The following CTNNA3 variants were observed in gnomAD, a reference collection of about 807,000 sequenced individuals.
The protein encoded by CTNNA3 is catenin alpha 3.
A neutral mutation model predicts 95.7 loss-of-function variants in CTNNA3; 76 were observed. The observed-to-expected ratio is 0.79, with a 90% CI of 0.66 to 0.96. The LOEUF is 0.96. CTNNA3 is among the 40% of genes least tolerant of loss of function. The pLI is 0.00. For synonymous variants in CTNNA3, 431 were observed against 374.4 expected (o/e 1.15, Z -1.74); for missense variants, 1,191 against 1,089.8 (o/e 1.09, Z -1.31).
chr10:67,744,390 T>C (rs1292626042), intron 1 of CTNNA3, among the ~76,000 whole-genome samples: 3 of 150,778 alleles, frequency 2.0e-5, no homozygotes, highest in Non-Finnish European at 3.0e-5. Flanking sequence ...CTGAGAAAAA[T>C]GAGAAATGGG....
intron 1 of CTNNA3, among the ~76,000 whole-genome samples, chr10:67,753,135 T>G (rs978214008): frequency 2.0e-5 from 3 of 151,896 alleles, no homozygotes; most frequent in African/African-American, 7.3e-5. Context: ...CATAGACCAA[T>G]GGAACAGAAT....
At chr10:66,636,250 A>G (rs970433867) in intron 9 of CTNNA3, among the ~76,000 whole-genome samples, 8 of 152,094 alleles carry the variant, frequency 5.3e-5, no homozygotes, top group African/African-American at 1.4e-4. Flanking sequence ...TTAAAAGAAA[A>G]TAAAATATTT....
At chr10:66,642,429 C>T (rs773687239) in intron 9 of CTNNA3, among the ~76,000 whole-genome samples, 1 of 151,944 alleles carries the variant, frequency 6.6e-6, no homozygotes, top group Non-Finnish European at 1.5e-5. Context: ...CCCTACACAC[C>T]AGTTGTGTGA....
chr10:67,220,530 A>G (rs750108373), intron 5 of CTNNA3, among the ~76,000 whole-genome samples: 3 of 152,202 alleles, frequency 2.0e-5, no homozygotes, highest in Non-Finnish European at 4.4e-5. Flanking sequence ...CTAGATGAAC[A>G]AATATACGAG....
At chr10:66,312,563 T>C (rs1292607396) in intron 12 of CTNNA3, among the ~76,000 whole-genome samples, 1 of 151,948 alleles carries the variant, frequency 6.6e-6, no homozygotes, top group African/African-American at 2.4e-5. Flanking sequence ...TGTTTTTTTT[T>C]TTTAGACAGA....
At chr10:67,308,267 T>G (rs548111328) in intron 5 of CTNNA3, among the ~76,000 whole-genome samples, 3 of 152,192 alleles carry the variant, frequency 2.0e-5, no homozygotes, top group Non-Finnish European at 4.4e-5. Flanking sequence ...ATAATACCCA[T>G]GTGTCATCGG....
intron 13 of CTNNA3, among the ~76,000 whole-genome samples, chr10:66,216,140 C>T (rs1471506394): frequency 6.6e-6 from 1 of 152,214 alleles, no homozygotes; most frequent in African/African-American, 2.4e-5. Flanking sequence ...TAAATCCTGC[C>T]CTTAGGCCAA....
At chr10:66,583,710 C>T (rs1843270114) in intron 10 of CTNNA3, among the ~76,000 whole-genome samples, 1 of 151,106 alleles carries the variant, frequency 6.6e-6, no homozygotes, top group Non-Finnish European at 1.5e-5. Flanking sequence ...TATTCCTTTT[C>T]TTCTGCTAGC....
chr10:66,261,769 C>T (rs961739190), intron 13 of CTNNA3, among the ~76,000 whole-genome samples: 1 of 151,936 alleles, frequency 6.6e-6, no homozygotes, highest in Non-Finnish European at 1.5e-5. Flanking sequence ...ATCCCCAATT[C>T]CAGTGAAACA....
At chr10:67,468,126 C>T (rs536252981) in intron 5 of CTNNA3, among the ~76,000 whole-genome samples, 1 of 151,998 alleles carries the variant, frequency 6.6e-6, no homozygotes, top group South Asian at 2.1e-4. Flanking sequence ...TATTTCATCA[C>T]CCAAGTATTC....
chr10:66,150,711 C>T (rs1448958814), intron 13 of CTNNA3, among the ~76,000 whole-genome samples: 1 of 151,876 alleles, frequency 6.6e-6, no homozygotes, highest in Non-Finnish European at 1.5e-5. Context: ...CCCTATAATG[C>T]TATTGAACAC....
At chr10:66,299,210 C>T (rs754920471) in intron 12 of CTNNA3, among the ~76,000 whole-genome samples, 3 of 152,270 alleles carry the variant, frequency 2.0e-5, no homozygotes, top group South Asian at 2.1e-4. Context: ...CCTGTGTTCT[C>T]ACCATCTTAG....
chr10:66,188,478 T>C (rs1203998634), intron 13 of CTNNA3, among the ~76,000 whole-genome samples: 1 of 151,904 alleles, frequency 6.6e-6, no homozygotes, highest in African/African-American at 2.4e-5. Flanking sequence ...CAGGTGATAT[T>C]TGTCTTTTTG....
intron 14 of CTNNA3, among the ~76,000 whole-genome samples, chr10:66,086,281 C>T (rs1318110877): frequency 6.6e-6 from 1 of 152,064 alleles, no homozygotes; most frequent in South Asian, 2.1e-4. Flanking sequence ...AAAAGTAAGG[C>T]TTCAATTAGT....
Position 67,280,693 on chromosome 10 carries a change from C to T in CTNNA3, c.580-60823G>A, listed in dbSNP as rs1839362055. Among the ~76,000 whole-genome samples the T allele has an allele frequency of 3.3e-5, 5 of 152,080 alleles. No individual in the cohort carries two copies. The South Asian group carries it at 1.0e-3, about 32-fold the overall frequency. ...GCCCCCAGTGCATTGCAGGCATGCC[C>T]AGGCAAGAAGACCCTGTGCAGGTTC... On this transcript the variant is annotated intron_variant, in intron 5 of 17. Coordinates refer to ENST00000433211, the MANE Select transcript of CTNNA3 (RefSeq NM_013266.4).
intron 2 of CTNNA3, among the ~76,000 whole-genome samples, chr10:67,633,406 T>G (rs1839208885): frequency 6.6e-6 from 1 of 152,190 alleles, no homozygotes; most frequent in Non-Finnish European, 1.5e-5. Context: ...CCAGACTGCT[T>G]CTGATCCCAT....
chr10:67,617,254 C>A (rs1843684654), intron 2 of CTNNA3, among the ~76,000 whole-genome samples: 1 of 152,116 alleles, frequency 6.6e-6, no homozygotes, highest in Admixed American at 6.5e-5. Flanking sequence ...ATGATTCTCT[C>A]CCTCCACCCT....
At chr10:66,355,147 T>G (rs1216944225) in intron 12 of CTNNA3, among the ~76,000 whole-genome samples, 1 of 152,110 alleles carries the variant, frequency 6.6e-6, no homozygotes. Flanking sequence ...ATATACGATT[T>G]AAAAGAAATA....
chr10:67,039,033 G>A (rs1854237118), intron 7 of CTNNA3, among the ~76,000 whole-genome samples: 1 of 151,994 alleles, frequency 6.6e-6, no homozygotes, highest in South Asian at 2.1e-4. Context: ...TGTTAGAAAG[G>A]ACTTGAGGTT....
Sources: gnomAD v4.1 joint callset for allele counts (sites outside exome capture counted in the v4.1 genomes callset) on GRCh38, gnomAD v4.1.1 for gene constraint, MANE v1.5 for transcripts, NCBI Gene and HGNC (gene_info 2026-07-23, HGNC 2026-07-21) for gene names.